Variants in AKAP10 observed in about 807,000 individuals in gnomAD.
AKAP10 encodes A-kinase anchor protein 10, mitochondrial.
In AKAP10, 24 loss-of-function variants were observed where a neutral mutation model predicts 80.8. The ratio of observed to expected loss-of-function variants is 0.30; its 90% CI spans 0.22 to 0.42. AKAP10 has a LOEUF of 0.42. Among genes scored for constraint, AKAP10 ranks in the 10% least tolerant of loss-of-function variants. The pLI is 1.00. For synonymous variants in AKAP10, 291 were observed against 277.7 expected (o/e 1.05, Z -0.48); for missense variants, 661 against 794.9 (o/e 0.83, Z 2.03).
chr17:19,962,293 TATACACAC>T (rs762069595), intron 3 of AKAP10, among the ~76,000 whole-genome samples: 1,347 of 132,086 alleles, frequency 0.01, 14 homozygotes, highest in African/African-American at 0.036. Flanking sequence ...CATACATACA[TATACACAC>T]ACACACACAC....
Position 19,924,402 on chromosome 17 carries a change from G to A in AKAP10, c.1751+6C>T, listed in dbSNP as rs1200052864. 6.4e-7 allele frequency: 1 copy of A among 1,568,354 alleles called. No individual in the cohort carries two copies. The highest frequency in any genetic ancestry group is 8.7e-7 in the Non-Finnish European group (1 of 1,155,128). On this transcript the variant is annotated splice_donor_region_variant and intron_variant, in intron 11 of 14. Coordinates refer to ENST00000225737, the MANE Select transcript of AKAP10 (RefSeq NM_007202.4). ...TGTAAAAATTCTAGGCATGAGCTAA[G>A]CTTACCCGGCATATGTCCGTTGATA... is the stretch of plus-strand genomic sequence containing the variant.
At chr17:19,974,067 C>T (rs1242455073) in intron 1 of AKAP10, among the ~76,000 whole-genome samples, 2 of 152,168 alleles carry the variant, frequency 1.3e-5, no homozygotes, top group Admixed American at 6.5e-5. Flanking sequence ...TGGCGCATGC[C>T]TGTAATTCCA....
chr17:19,910,155 T>A (rs203461), intron 12 of AKAP10, among the ~76,000 whole-genome samples, 177 bp from the exon 13 acceptor site: 2 of 151,638 alleles, frequency 1.3e-5, no homozygotes, highest in African/African-American at 4.9e-5. Flanking sequence ...TGGTGAAACC[T>A]GTCTCTACTA....
intron 5 of AKAP10, among the ~76,000 whole-genome samples, chr17:19,946,118 TAC>T (rs904907247): frequency 1.3e-4 from 17 of 134,194 alleles, no homozygotes; most frequent in African/African-American, 4.8e-4. Flanking sequence ...TATATATATA[TAC>T]ACACACTAAT....
At chr17:19,956,655 G>C (rs2043279057) in intron 4 of AKAP10, among the ~76,000 whole-genome samples, 1 of 152,144 alleles carries the variant, frequency 6.6e-6, no homozygotes, top group African/African-American at 2.4e-5. Flanking sequence ...AGCTTCCTGA[G>C]TAGCTGGGAG....
intron 1 of AKAP10, among the ~76,000 whole-genome samples, chr17:19,969,340 G>A (rs1004598852): frequency 5.3e-5 from 8 of 152,118 alleles, no homozygotes; most frequent in East Asian, 1.9e-4. Context: ...GAGAGACTCC[G>A]TCTAAAAAAA....
intron 1 of AKAP10, among the ~76,000 whole-genome samples, chr17:19,976,858 G>C (rs1048068355): frequency 6.6e-6 from 1 of 152,164 alleles, no homozygotes; most frequent in African/African-American, 2.4e-5. Context: ...GAATTGACAG[G>C]AAAAATCACT....
chr17:19,927,559 G>A (rs2042888197), intron 10 of AKAP10, among the ~76,000 whole-genome samples: 2 of 152,288 alleles, frequency 1.3e-5, no homozygotes, highest in South Asian at 4.1e-4. Flanking sequence ...CACACTTTGG[G>A]AGGCCAAGGC....
At position 19,958,396 on chromosome 17, in the gene AKAP10, AGTT is replaced by A. The variant is rs1249182473; in HGVS notation, c.492_494del (p.Thr165del). 6.2e-7 allele frequency: 1 copy of A among 1,614,068 alleles called. No homozygotes were observed. The highest frequency in any genetic ancestry group is 8.5e-7 in the Non-Finnish European group (1 of 1,180,044). ...GACTGTGTGCTCTTATTCGCGACCAAGTTGTTGAATGAAAACTTTCAGCCTCTA... is the reference window on the plus strand; with the variant it reads ...GACTGTGTGCTCTTATTCGCGACCAAGTTGAATGAAAACTTTCAGCCTCTA... On this transcript the variant is annotated inframe_deletion, in exon 4 of 15. Coordinates refer to ENST00000225737, the MANE Select transcript of AKAP10 (RefSeq NM_007202.4).
intron 12 of AKAP10, among the ~76,000 whole-genome samples, chr17:19,915,976 G>T (rs1220349518): frequency 6.6e-6 from 1 of 152,146 alleles, no homozygotes; most frequent in Non-Finnish European, 1.5e-5. Context: ...GGTCTCTGGT[G>T]ACCTCCCAAC....
At chr17:19,945,801 G>C (rs1364853115) in intron 5 of AKAP10, among the ~76,000 whole-genome samples, 1 of 152,078 alleles carries the variant, frequency 6.6e-6, no homozygotes, top group Non-Finnish European at 1.5e-5. Flanking sequence ...AAAAGTGCAA[G>C]AACATGTCTT....
intron 2 of AKAP10, 21 bp from the exon 3 acceptor site, chr17:19,963,043 G>T (rs756732142): frequency 1.5e-5 from 24 of 1,580,996 alleles, no homozygotes; most frequent in Non-Finnish European, 2.0e-5. Context: ...TCAAAAAATT[G>T]TTAAGAATTA....
At chr17:19,972,106 A>G (rs2043505561) in intron 1 of AKAP10, among the ~76,000 whole-genome samples, 1 of 152,276 alleles carries the variant, frequency 6.6e-6, no homozygotes, top group Admixed American at 6.5e-5. Context: ...TCTCAAAAAA[A>G]TAAATAAAAA....
At chr17:19,906,278 C>A (rs771090509) in intron 14 of AKAP10, 46 bp from the exon 15 acceptor site, 1 of 1,585,486 alleles carries the variant, frequency 6.3e-7, no homozygotes. Context: ...ATTTCTCTAA[C>A]AAGTGACCTA....
chr17:19,964,077 TAAA>T (rs1407507227), intron 2 of AKAP10, among the ~76,000 whole-genome samples: 1 of 152,194 alleles, frequency 6.6e-6, no homozygotes, highest in Admixed American at 6.5e-5. Context: ...TTTTCAATGT[TAAA>T]AGAAGGTTTA....
chr17:19,924,686 A>C (rs1293990613), intron 10 of AKAP10, among the ~76,000 whole-genome samples, 169 bp from the exon 11 acceptor site: 3 of 152,178 alleles, frequency 2.0e-5, no homozygotes, highest in Admixed American at 2.0e-4. Context: ...GTAACCTCAT[A>C]CTATAGCTAA....
rs2042614546 is a variant in AKAP10 at position 19,904,676 on chromosome 17, T to TTTCTAA, written c.*1550_*1551insTTAGAA. The TTTCTAA allele has an allele frequency of 1.3e-5, 2 of 152,186 alleles. No homozygotes were observed. The highest frequency in any genetic ancestry group is 4.1e-4 in the South Asian group (2 of 4,832). 9.4% of individuals were successfully genotyped at this position (152,186 alleles called of 1,614,324 possible). A position where few individuals can be genotyped will look rare whatever the true frequency, so the allele number is the denominator to read the frequency against. ...AGTAGTGGCTCATGTTCTGGGTTTT[T>TTTCTAA]AGAAAGCAAATGAAAATATTTGGAA... is the stretch of plus-strand genomic sequence containing the variant. On this transcript the variant is annotated 3_prime_UTR_variant, in exon 15 of 15. Transcript: ENST00000225737.
intron 12 of AKAP10, 53 bp downstream of exon 12, chr17:19,919,983 T>A: frequency 6.9e-7 from 1 of 1,455,332 alleles, no homozygotes; most frequent in Non-Finnish European, 9.6e-7. Flanking sequence ...TGACTTACAG[T>A]CAATCACTAA....
Position 19,906,166 on chromosome 17 carries a change from AC to A in AKAP10, c.*60del, listed in dbSNP as rs1366755607. On this transcript the variant is annotated 3_prime_UTR_variant, in exon 15 of 15. Coordinates refer to ENST00000225737, the MANE Select transcript of AKAP10 (RefSeq NM_007202.4). ...TTCATTGGCTGTGTTGAAGAATCCA[AC>A]CAAGGGAAAAAAGTTCTCTTATTTT... 1 of 1,556,238 alleles carries A rather than the reference AC, an allele frequency of 6.4e-7. No homozygotes were observed. Among genetic ancestry groups the A allele is most frequent in the Non-Finnish European group, 8.8e-7 (1 of 1,130,534 alleles).
Sources: allele counts gnomAD v4.1 joint callset (sites outside exome capture counted in the v4.1 genomes callset), GRCh38; gene constraint gnomAD v4.1.1; transcripts MANE v1.5; gene names NCBI Gene and HGNC (gene_info 2026-07-23, HGNC 2026-07-21).